The following CDK19 variants were observed in gnomAD, a reference collection of about 807,000 sequenced individuals.
CDK19 encodes cyclin dependent kinase 19.
A neutral mutation model predicts 68.3 loss-of-function variants in CDK19; 20 were observed. The observed-to-expected ratio is 0.29, with a 90% CI of 0.21 to 0.43. The LOEUF (loss-of-function observed/expected upper bound fraction) is 0.43, where lower values mean the gene tolerates loss of function less well. Ranked by LOEUF, CDK19 falls within the 20% of genes least tolerant of loss-of-function variation. The pLI, the probability that CDK19 is intolerant of heterozygous loss-of-function variation, is 1.00. For missense variants in CDK19, 339 were observed against 623.5 expected (o/e 0.54, Z 4.86); for synonymous variants, 221 against 222.8 (o/e 0.99, Z 0.07).
intron 4 of CDK19, among the ~76,000 whole-genome samples, chr6:110,640,230 A>AC (rs1780054401): frequency 1.5e-5 from 1 of 66,772 alleles, no homozygotes; most frequent in Admixed American, 1.3e-4. Flanking sequence ...AGACCCTGTC[A>AC]CAAAAAAAAA....
chr6:110,739,752 T>TCC, intron 2 of CDK19, among the ~76,000 whole-genome samples: 1 of 151,768 alleles, frequency 6.6e-6, no homozygotes, highest in East Asian at 1.9e-4. Flanking sequence ...CACCTCAGCC[T>TCC]CCCAGGTAGC....
chr6:110,751,724 C>T (rs76641127), intron 1 of CDK19, among the ~76,000 whole-genome samples: 5,649 of 152,094 alleles, frequency 0.037, 131 homozygotes, highest in Middle Eastern at 0.082. Flanking sequence ...TTTTTCTAAA[C>T]CTTATGAGTC....
At chr6:110,679,475 G>C (rs1771821702) in intron 2 of CDK19, among the ~76,000 whole-genome samples, 1 of 152,128 alleles carries the variant, frequency 6.6e-6, no homozygotes, top group Non-Finnish European at 1.5e-5. Flanking sequence ...AGCCAGGCGT[G>C]GTGGTGGGTG....
At chr6:110,788,487 C>T (rs1781389772) in intron 1 of CDK19, among the ~76,000 whole-genome samples, 1 of 152,136 alleles carries the variant, frequency 6.6e-6, no homozygotes, top group Admixed American at 6.5e-5. Flanking sequence ...CCATCTCTTT[C>T]CAAAATTATC....
intron 1 of CDK19, among the ~76,000 whole-genome samples, chr6:110,765,460 C>T (rs994351115): frequency 5.3e-5 from 8 of 151,768 alleles, no homozygotes; most frequent in Non-Finnish European, 8.8e-5. Flanking sequence ...GGGTGGATCA[C>T]GAGGTCAGGA....
intron 2 of CDK19, among the ~76,000 whole-genome samples, chr6:110,715,583 C>G (rs1242498752): frequency 6.6e-6 from 1 of 152,112 alleles, no homozygotes; most frequent in Non-Finnish European, 1.5e-5. Flanking sequence ...TGCCTCCCAG[C>G]TTCAAGCGAT....
intron 1 of CDK19, among the ~76,000 whole-genome samples, chr6:110,801,914 G>A (rs1217475508): frequency 5.9e-5 from 9 of 152,014 alleles, no homozygotes; most frequent in African/African-American, 1.2e-4. Context: ...TACAAGTAGC[G>A]AAAAAACATG....
intron 5 of CDK19, among the ~76,000 whole-genome samples, chr6:110,633,219 AAAAC>A (rs759910551): frequency 6.6e-6 from 1 of 152,172 alleles, no homozygotes; most frequent in Non-Finnish European, 1.5e-5. Flanking sequence ...ACTCTGTCTC[AAAAC>A]AAACAAACAA....
At chr6:110,657,690 T>C (rs1034392532) in intron 4 of CDK19, among the ~76,000 whole-genome samples, 2 of 152,220 alleles carry the variant, frequency 1.3e-5, no homozygotes, top group Non-Finnish European at 1.5e-5. Context: ...CTTAGTGACC[T>C]TGAAGTTAGT....
At chr6:110,699,037 A>C (rs1349146611) in intron 2 of CDK19, among the ~76,000 whole-genome samples, 3 of 144,758 alleles carry the variant, frequency 2.1e-5, no homozygotes, top group Non-Finnish European at 4.5e-5. Context: ...CTGGGTGACA[A>C]AGTGAGACCC....
intron 2 of CDK19, among the ~76,000 whole-genome samples, chr6:110,729,356 T>C (rs1776576114): frequency 1.3e-5 from 2 of 152,216 alleles, no homozygotes. Flanking sequence ...CTATGATAAA[T>C]ATTAAGACAC....
At chr6:110,657,408 AG>A (rs1781369843) in intron 4 of CDK19, among the ~76,000 whole-genome samples, 1 of 152,240 alleles carries the variant, frequency 6.6e-6, no homozygotes, top group Admixed American at 6.5e-5. Flanking sequence ...TATTCTTATA[AG>A]GTATCTATGT....
chr6:110,647,748 T>C (rs1383022199), intron 4 of CDK19, among the ~76,000 whole-genome samples: 1 of 152,090 alleles, frequency 6.6e-6, no homozygotes, highest in Non-Finnish European at 1.5e-5. Flanking sequence ...TCAAACACTG[T>C]CAAATAACAG....
intron 1 of CDK19, among the ~76,000 whole-genome samples, chr6:110,775,634 G>C (rs976014306): frequency 2.4e-4 from 37 of 152,112 alleles, no homozygotes; most frequent in Non-Finnish European, 2.8e-4. Context: ...AAAATATTTA[G>C]ATCTCAGATT....
intron 1 of CDK19, among the ~76,000 whole-genome samples, chr6:110,753,014 C>T (rs1284304307): frequency 1.3e-5 from 2 of 152,088 alleles, no homozygotes; most frequent in Admixed American, 6.6e-5. Flanking sequence ...ACTGCAGCCT[C>T]GACCTCCGGG....
At chr6:110,688,670 A>G (rs1171775575) in intron 2 of CDK19, among the ~76,000 whole-genome samples, 1 of 152,194 alleles carries the variant, frequency 6.6e-6, no homozygotes, top group Non-Finnish European at 1.5e-5. Context: ...AACCCCACCC[A>G]GCACAGGAGC....
At chr6:110,717,003 G>A (rs1355016189) in intron 2 of CDK19, among the ~76,000 whole-genome samples, 1 of 152,148 alleles carries the variant, frequency 6.6e-6, no homozygotes, top group Non-Finnish European at 1.5e-5. Context: ...ATGGTGGCAT[G>A]TGCCTGTAGT....
At chr6:110,725,687 G>A (rs1021424628) in intron 2 of CDK19, among the ~76,000 whole-genome samples, 2 of 151,974 alleles carry the variant, frequency 1.3e-5, no homozygotes, top group African/African-American at 4.8e-5. Context: ...TCAGCTTCTG[G>A]GTACAGACAA....
rs56320713 is a variant in CDK19 at position 110,642,308 on chromosome 6, CAAAAAAAAAA to C, written c.457-3612_457-3603del. On this transcript the variant is annotated intron_variant, in intron 4 of 12. Transcript: ENST00000368911. ...TAGGCGACAGAGTGAGACTCTGTTTCAAAAAAAAAAAAAAAAAAAAAGGGTTCAAGACTTG... is the reference window on the plus strand; with the variant it reads ...TAGGCGACAGAGTGAGACTCTGTTTCAAAAAAAAAAAGGGTTCAAGACTTG... Among the ~76,000 whole-genome samples the C allele has an allele frequency of 2.8e-4, 27 of 96,320 alleles. 1 individual carries two copies. The East Asian group carries it at 4.9e-3, about 17-fold the overall frequency. The allele number at this position is 96,320 out of a possible 152,430, so 63.2% of individuals were successfully genotyped here.
Sources: gnomAD v4.1 joint callset for allele counts (sites outside exome capture counted in the v4.1 genomes callset) on GRCh38, gnomAD v4.1.1 for gene constraint, MANE v1.5 for transcripts, NCBI Gene and HGNC (gene_info 2026-07-23, HGNC 2026-07-21) for gene names.